The following ELAPOR1 variants were observed in gnomAD, a reference collection of about 807,000 sequenced individuals.
ELAPOR1 encodes endosome/lysosome-associated apoptosis and autophagy regulator 1.
A neutral mutation model predicts 119.7 loss-of-function variants in ELAPOR1; 77 were observed. That is an observed-to-expected ratio of 0.64 (90% CI 0.54 to 0.78). The LOEUF is 0.78. Ranked by LOEUF, ELAPOR1 falls within the 30% of genes least tolerant of loss-of-function variation. The pLI, the probability that ELAPOR1 is intolerant of heterozygous loss-of-function variation, is 0.00. For synonymous variants in ELAPOR1, 481 were observed against 487.2 expected, an observed-to-expected ratio of 0.99 and a Z score of 0.17; for missense variants, 1,115 against 1,270.4, an observed-to-expected ratio of 0.88 and a Z score of 1.86.
intron 20 of ELAPOR1, 58 bp from the exon 21 acceptor site, chr1:109,200,677 C>T (rs947479872): frequency 6.3e-5 from 97 of 1,548,826 alleles, no homozygotes; most frequent in Non-Finnish European, 8.4e-5. Flanking sequence ...CTCTCTACCT[C>T]TTTCCCCCTT....
chr1:109,202,979 G>A lies in ELAPOR1; in HGVS notation c.3009G>A (p.Lys1003=). 2 of 1,613,808 alleles carry A rather than the reference G, an allele frequency of 1.2e-6. No homozygotes were observed. The highest frequency in any genetic ancestry group is 2.2e-5 in the South Asian group (2 of 90,946). ...TPDGFDSVPL[K]TSSGGLDMDL The stretch of plus-strand genomic sequence containing the variant: ...ATGGATTTGACTCAGTGCCGCTGAA[G>A]ACATCCTCAGGAGGCCTAGACATGG... The change falls in exon 22 of 22, where the codon AAG becomes AAA. Residue 1003 remains lysine, a synonymous_variant. Coordinates refer to ENST00000369939, the MANE Select transcript of ELAPOR1 (RefSeq NM_020775.5).
chr1:109,198,344 T>C (rs756427927), intron 17 of ELAPOR1, among the ~76,000 whole-genome samples: 5 of 152,212 alleles, frequency 3.3e-5, no homozygotes, highest in Non-Finnish European at 1.5e-5. Flanking sequence ...CTCCAGTGTA[T>C]GCTAGCCATG....
At chr1:109,155,183 A>G (rs1650798197) in intron 1 of ELAPOR1, among the ~76,000 whole-genome samples, 1 of 151,722 alleles carries the variant, frequency 6.6e-6, no homozygotes, top group African/African-American at 2.4e-5. Flanking sequence ...CATTATATAT[A>G]TATATTTTTT....
At chr1:109,178,396 C>T (rs1570693947) in intron 7 of ELAPOR1, among the ~76,000 whole-genome samples, 1 of 152,186 alleles carries the variant, frequency 6.6e-6, no homozygotes, top group Admixed American at 6.5e-5. Context: ...TTCTTTGAGA[C>T]TTGACTCTTC....
intron 3 of ELAPOR1, among the ~76,000 whole-genome samples, chr1:109,165,683 A>T (rs1224089849): frequency 6.6e-6 from 1 of 151,516 alleles, no homozygotes; most frequent in Non-Finnish European, 1.5e-5. Context: ...TCTCAGCTTG[A>T]CTGGAACACA....
At chr1:109,123,959 C>T (rs188301531) in intron 1 of ELAPOR1, among the ~76,000 whole-genome samples, 43 of 152,234 alleles carry the variant, frequency 2.8e-4, no homozygotes, top group Non-Finnish European at 5.0e-4. Context: ...TGGGCCACCA[C>T]GCCCAGCTAA....
At chr1:109,144,697 G>C (rs185644872) in intron 1 of ELAPOR1, among the ~76,000 whole-genome samples, 2 of 152,162 alleles carry the variant, frequency 1.3e-5, no homozygotes, top group East Asian at 3.9e-4. Context: ...AGCCCAGATC[G>C]TGCCACTACA....
chr1:109,190,043 G>A (rs1416444946), intron 11 of ELAPOR1, among the ~76,000 whole-genome samples: 1 of 152,156 alleles, frequency 6.6e-6, no homozygotes, highest in Non-Finnish European at 1.5e-5. Flanking sequence ...GGGGCAAGAA[G>A]ATTGGGAAGG....
At chr1:109,191,613 C>A in intron 12 of ELAPOR1, 113 bp from the exon 13 acceptor site, 1 of 1,466,682 alleles carries the variant, frequency 6.8e-7, no homozygotes, top group Non-Finnish European at 9.4e-7. Context: ...GCAGGGACTT[C>A]ACAGTTTAAC....
At chr1:109,184,285 C>T (rs763930739) in intron 7 of ELAPOR1, among the ~76,000 whole-genome samples, 5 of 152,082 alleles carry the variant, frequency 3.3e-5, no homozygotes, top group African/African-American at 9.7e-5. Flanking sequence ...GCAGGAGAAT[C>T]ACTTGAACCT....
chr1:109,159,694 G>A (rs1183935699), intron 1 of ELAPOR1, among the ~76,000 whole-genome samples: 1 of 152,180 alleles, frequency 6.6e-6, no homozygotes, highest in Non-Finnish European at 1.5e-5. Flanking sequence ...CTTTGGACAA[G>A]CTATCACACC....
At chr1:109,188,050 C>T (rs928300829) in intron 8 of ELAPOR1, 127 bp from the exon 9 acceptor site, 6 of 1,436,238 alleles carry the variant, frequency 4.2e-6, no homozygotes, top group Non-Finnish European at 5.5e-6. Context: ...CAAAGTTCCC[C>T]ACCCCAGAGG....
At chr1:109,197,129 C>T (rs1653848552) in intron 15 of ELAPOR1, among the ~76,000 whole-genome samples, 1 of 143,648 alleles carries the variant, frequency 7.0e-6, no homozygotes, top group African/African-American at 2.5e-5. Flanking sequence ...CAGAGAGGCC[C>T]TATCTTTACG....
chr1:109,165,012 T>C (rs1651498551), intron 3 of ELAPOR1, among the ~76,000 whole-genome samples: 1 of 152,158 alleles, frequency 6.6e-6, no homozygotes, highest in South Asian at 2.1e-4. Context: ...CAATTGGAGC[T>C]GGGCACAGTG....
chr1:109,116,034 C>G (rs142515905), intron 1 of ELAPOR1, among the ~76,000 whole-genome samples: 1 of 152,304 alleles, frequency 6.6e-6, no homozygotes, highest in East Asian at 1.9e-4. Flanking sequence ...ACTACCAATT[C>G]TTGTTGAGAT....
chr1:109,115,908 A>C (rs1647966525), intron 1 of ELAPOR1, among the ~76,000 whole-genome samples: 5 of 152,192 alleles, frequency 3.3e-5, no homozygotes, highest in Admixed American at 3.3e-4. Context: ...TGACTGGCTC[A>C]CTGGCCTTGA....
intron 2 of ELAPOR1, among the ~76,000 whole-genome samples, chr1:109,162,843 C>G (rs574595651): frequency 1.2e-4 from 18 of 152,362 alleles, no homozygotes; most frequent in African/African-American, 3.8e-4. Flanking sequence ...TCATTGAACT[C>G]TGCTGACTTC....
At chr1:109,121,629 C>T (rs1273885977) in intron 1 of ELAPOR1, among the ~76,000 whole-genome samples, 1 of 152,106 alleles carries the variant, frequency 6.6e-6, no homozygotes, top group Non-Finnish European at 1.5e-5. Context: ...GGTAATGCTG[C>T]CTTAGACACT....
intron 1 of ELAPOR1, among the ~76,000 whole-genome samples, chr1:109,156,561 T>C (rs762601366): frequency 1.3e-5 from 2 of 152,250 alleles, no homozygotes; most frequent in Non-Finnish European, 2.9e-5. Flanking sequence ...ATGTACCTTG[T>C]ATAAGTAGAA....
Sources: gnomAD v4.1 joint callset for allele counts (sites outside exome capture counted in the v4.1 genomes callset) on GRCh38, gnomAD v4.1.1 for gene constraint, MANE v1.5 for transcripts, NCBI Gene and HGNC (gene_info 2026-07-23, HGNC 2026-07-21) for gene names.